The following TADA2A variants were observed in gnomAD, a reference collection of about 807,000 sequenced individuals.
TADA2A encodes the protein transcriptional adaptor 2A, also known as transcriptional adapter 2-alpha.
A neutral mutation model predicts 67.4 loss-of-function variants in TADA2A; 38 were observed. That is an observed-to-expected ratio of 0.56 (90% CI 0.44 to 0.74). The LOEUF (loss-of-function observed/expected upper bound fraction) is 0.74. Among genes scored for constraint, TADA2A ranks in the 30% least tolerant of loss-of-function variants. The pLI is 0.00. For missense variants in TADA2A, 454 were observed against 547.0 expected (o/e 0.83, Z 1.70); for synonymous variants, 192 against 181.6 (o/e 1.06, Z -0.46).
At chr17:37,445,707 T>G (rs1438843730) in intron 8 of TADA2A, among the ~76,000 whole-genome samples, 2 of 152,236 alleles carry the variant, frequency 1.3e-5, no homozygotes. Flanking sequence ...CTTTCCATTT[T>G]CAGTGAACTA....
intron 2 of TADA2A, 31 bp from the exon 3 acceptor site, chr17:37,423,478 G>C (rs757438645): frequency 9.7e-6 from 15 of 1,543,022 alleles, no homozygotes; most frequent in Non-Finnish European, 1.3e-5. Flanking sequence ...AAGGTGGTCT[G>C]AAATGTGCAT....
At chr17:37,466,468 T>C (rs1464091370) in intron 11 of TADA2A, among the ~76,000 whole-genome samples, 1 of 152,194 alleles carries the variant, frequency 6.6e-6, no homozygotes, top group Non-Finnish European at 1.5e-5. Context: ...GTTAAAATAA[T>C]ATGGACTCTG....
intron 5 of TADA2A, among the ~76,000 whole-genome samples, chr17:37,439,942 ATTATTTTT>A (rs1555685132): frequency 0.044 from 2,570 of 58,436 alleles, 49 homozygotes; most frequent in East Asian, 0.19. Context: ...TTATTTATTT[ATTATTTTT>A]TTTTTTTTTT....
At chr17:37,435,451 G>A (rs1009531082) in intron 4 of TADA2A, among the ~76,000 whole-genome samples, 1 of 151,990 alleles carries the variant, frequency 6.6e-6, no homozygotes, top group Non-Finnish European at 1.5e-5. Context: ...ACCACACCCG[G>A]CTAATTTTTT....
intron 4 of TADA2A, among the ~76,000 whole-genome samples, chr17:37,437,437 A>G (rs2052764920): frequency 6.7e-6 from 1 of 149,570 alleles, no homozygotes. Context: ...CCCAGGCTGA[A>G]GTGTGGTGGT....
chr17:37,444,775 G>A lies in TADA2A; in HGVS notation c.604+7G>A. On this transcript the variant is annotated splice_region_variant and intron_variant, in intron 8 of 15. Transcript: ENST00000615182. ...GACTCGGACATTTTACATGGTAACA[G>A]TTTATTTTGTCAAATGTTTATCGAG... is the stretch of plus-strand genomic sequence containing the variant. 5 of 1,613,270 alleles carry A rather than the reference G, an allele frequency of 3.1e-6. No homozygotes were observed. The highest frequency in any genetic ancestry group is 4.2e-6 in the Non-Finnish European group (5 of 1,179,340).
At position 37,474,663 on chromosome 17, in the gene TADA2A, T is replaced by A. The variant is rs371549747; in HGVS notation, c.1146+34T>A. ...AGGGAGGGGGCTGGGAGAAAGAGAA[T>A]AGGGGCTGATTATTCATTGAGTTGT... On this transcript the variant is annotated intron_variant, in intron 15 of 15. Transcript: ENST00000615182. 6.9e-6 allele frequency: 11 copies of A among 1,584,590 alleles called. No individual in the cohort carries two copies. The African/African-American group carries it at 1.5e-4, about 21-fold the overall frequency.
rs1158625563 is a variant in TADA2A, at chr17:37,478,279, G to A, written c.*1297G>A. ...GTTTTGCTATTTAATTTGTGGGTGT[G>A]TCAAATATTCTGGTAACTGAAACAC... On this transcript the variant is annotated 3_prime_UTR_variant, in exon 16 of 16. Coordinates refer to ENST00000615182, the MANE Select transcript of TADA2A (RefSeq NM_001166105.3). The A allele has an allele frequency of 1.3e-5, 2 of 152,152 alleles. No homozygotes were observed. Among genetic ancestry groups the A allele is most frequent in the African/African-American group, 4.8e-5 (2 of 41,426 alleles). 9.4% of individuals were successfully genotyped at this position (152,152 alleles called of 1,614,324 possible).
intron 5 of TADA2A, 67 bp downstream of exon 5, chr17:37,437,896 T>C: frequency 6.9e-7 from 1 of 1,450,768 alleles, no homozygotes; most frequent in Non-Finnish European, 9.7e-7. Flanking sequence ...TGTTGAAGAG[T>C]AAAGGAAGGA....
At chr17:37,468,296 T>G (rs1325045553) in intron 12 of TADA2A, among the ~76,000 whole-genome samples, 3 of 152,176 alleles carry the variant, frequency 2.0e-5, no homozygotes, top group African/African-American at 4.8e-5. Flanking sequence ...CCATTTCACT[T>G]GGATCAAGTC....
chr17:37,463,913 A>G (rs941132681), intron 10 of TADA2A, among the ~76,000 whole-genome samples: 3 of 152,100 alleles, frequency 2.0e-5, no homozygotes, highest in African/African-American at 7.2e-5. Flanking sequence ...AGATCGTGCT[A>G]CTGCTCTCCA....
chr17:37,443,813 T>C (rs2052993459), intron 7 of TADA2A, among the ~76,000 whole-genome samples: 1 of 152,218 alleles, frequency 6.6e-6, no homozygotes, highest in African/African-American at 2.4e-5. Flanking sequence ...CTGATTCCTG[T>C]ACTATATCCA....
intron 6 of TADA2A, 106 bp from the exon 7 acceptor site, chr17:37,442,458 C>G: frequency 1.1e-6 from 1 of 875,802 alleles, no homozygotes. Flanking sequence ...TTCACATTTC[C>G]TTTTATAAAA....
chr17:37,416,831 C>CTCCAGCCT, intron 2 of TADA2A, among the ~76,000 whole-genome samples: 1 of 151,840 alleles, frequency 6.6e-6, no homozygotes, highest in East Asian at 1.9e-4. Context: ...CACCACTACA[C>CTCCAGCCT]TCCAGCCTTC....
chr17:37,476,620 T>C (rs1157316497), intron 15 of TADA2A, among the ~76,000 whole-genome samples, 177 bp from the exon 16 acceptor site: 1 of 152,202 alleles, frequency 6.6e-6, no homozygotes, highest in Admixed American at 6.5e-5. Flanking sequence ...GTGTGTGTCC[T>C]TAGGGAGTGT....
At chr17:37,466,458 G>C (rs897387838) in intron 11 of TADA2A, among the ~76,000 whole-genome samples, 1 of 152,156 alleles carries the variant, frequency 6.6e-6, no homozygotes, top group Non-Finnish European at 1.5e-5. Flanking sequence ...GGCCTAGATT[G>C]TTAAAATAAT....
intron 9 of TADA2A, among the ~76,000 whole-genome samples, chr17:37,459,022 C>A (rs2053477856): frequency 6.6e-6 from 1 of 152,006 alleles, no homozygotes; most frequent in African/African-American, 2.4e-5. Flanking sequence ...GAGAATGCTC[C>A]ACTTGTGACT....
At position 37,470,476 on chromosome 17, in the gene TADA2A, C is replaced by T. The variant is rs772638890; in HGVS notation, c.972C>T (p.Leu324=). 1.2e-6 allele frequency: 2 copies of T among 1,611,458 alleles called. No individual in the cohort carries two copies. Among genetic ancestry groups the T allele is most frequent in the East Asian group, 4.5e-5 (2 of 44,684 alleles). Reference sequence around the variant, plus strand: ...AACGCACTATGCTCTCAGAAGTTCTCCAGTATATCCAGGACAGTAGTGCTT... The same window carrying T: ...AACGCACTATGCTCTCAGAAGTTCTTCAGTATATCCAGGACAGTAGTGCTT... ...RLKRTMLSEV[L]QYIQDSSACQ... The change falls in exon 13 of 16, where the codon CTC becomes CTT. Residue 324 remains leucine, a synonymous_variant. Transcript: ENST00000615182.
intron 7 of TADA2A, among the ~76,000 whole-genome samples, chr17:37,442,978 C>T (rs149205446): frequency 1.3e-4 from 20 of 152,198 alleles, no homozygotes; most frequent in Non-Finnish European, 2.9e-4. Flanking sequence ...GCCTGGGCAA[C>T]GTAGTGAGAC....
Sources: allele counts gnomAD v4.1 joint callset (sites outside exome capture counted in the v4.1 genomes callset), GRCh38; gene constraint gnomAD v4.1.1; transcripts MANE v1.5; gene names NCBI Gene and HGNC (gene_info 2026-07-23, HGNC 2026-07-21).